Variants in GRIP2 observed in about 807,000 individuals in gnomAD.
The protein encoded by GRIP2 is glutamate receptor interacting protein 2, also known as glutamate receptor-interacting protein 2.
In GRIP2, 58 loss-of-function variants were observed where a neutral mutation model predicts 108.3. The observed-to-expected ratio is 0.54, with a 90% CI of 0.43 to 0.67. The LOEUF (loss-of-function observed/expected upper bound fraction) is 0.67. Ranked by LOEUF, GRIP2 falls within the 30% of genes least tolerant of loss-of-function variation. GRIP2 has a pLI of 0.00. For synonymous variants in GRIP2, 586 were observed against 598.2 expected, an observed-to-expected ratio of 0.98 and a Z score of 0.30; for missense variants, 1,278 against 1,430.6, an observed-to-expected ratio of 0.89 and a Z score of 1.72.
the GRIP2 span, among the ~76,000 whole-genome samples, chr3:14,572,395 G>A: frequency 3.3e-5 from 5 of 151,678 alleles, no homozygotes; most frequent in East Asian, 3.9e-4. Flanking sequence ...GGCGGATCAC[G>A]AGGTCAGGAG....
the GRIP2 span, among the ~76,000 whole-genome samples, chr3:14,561,122 C>T: frequency 1.1e-3 from 163 of 152,340 alleles, no homozygotes; most frequent in African/African-American, 3.7e-3. Context: ...CCACACCTGC[C>T]AGGCTCCCCT....
rs765245177 is a variant in GRIP2 at position 14,494,945 on chromosome 3, G to A, written c.2868C>T (p.Ser956=). ...CTTTTTCCAGGAGGCCATCTGAGAC[G>A]CTGAAACCAAAGTCATGCCGCATGG... ...KDPMRHDFGF[S]VSDGLLEKGV... is the part of the protein sequence containing the mutation. Residue 956 remains serine, a synonymous_variant, in exon 23 of 24, where the codon AGC becomes AGT. Transcript: ENST00000621039. 15 of 1,613,844 alleles carry A rather than the reference G, an allele frequency of 9.3e-6. No homozygotes were observed. The East Asian group carries it at 1.1e-4, about 12-fold the overall frequency.
At chr3:14,540,430 C>G (rs745408468), upstream of GRIP2, 3 of 1,594,836 alleles carry the variant, frequency 1.9e-6, no homozygotes, top group African/African-American at 1.3e-5. This position sits in a 1 kb window ranked among gnomAD's most constrained non-coding sequence, Gnocchi z 4.1. Flanking sequence ...GGCTGGGCAC[C>G]GAGTCCACCC....
upstream of GRIP2, among the ~76,000 whole-genome samples, chr3:14,560,945 G>C (rs1695306475): frequency 6.6e-6 from 1 of 152,198 alleles, no homozygotes; most frequent in Non-Finnish European, 1.5e-5. Flanking sequence ...ACCTTCAGCA[G>C]AGGACCCCTG....
Position 14,494,887 on chromosome 3 carries a change from GC to G in GRIP2, c.2925del (p.Pro976GlnfsTer42). ...GGCTGGAGGCCTCCACGGTGGGCTG[GC>G]CCATCAGGGCGCACAGTGTGGACAT... The part of the protein sequence containing the change: ...GVYVHTVRPD[G>X]PAHRGGLQPF... On this transcript the variant is annotated frameshift_variant, in exon 23 of 24. Coordinates refer to ENST00000621039, the MANE Select transcript of GRIP2 (RefSeq NM_001080423.4). LOFTEE classifies it high-confidence loss of function. 1 of 1,613,860 alleles carries G rather than the reference GC, an allele frequency of 6.2e-7. No homozygotes were observed.
In GRIP2 at chr3:14,522,131, A is replaced by G; in HGVS notation, c.567-344T>C. The G allele has an allele frequency of 3.8e-6, 1 of 260,824 alleles. No homozygotes were observed. Among genetic ancestry groups the G allele is most frequent in the Non-Finnish European group, 7.2e-6 (1 of 138,906 alleles). 16.2% of individuals were successfully genotyped at this position (260,824 alleles called of 1,614,324 possible). ...GTCACCCCCAACTCCTGCCTCAGGG[A>G]CAAAGGACAGCACCAGGGCCCAGAG... On this transcript the variant is annotated intron_variant, in intron 6 of 23. Transcript: ENST00000621039. The surrounding 1 kb of genome is among the most constrained non-coding windows in gnomAD (Gnocchi z 4.3).
In GRIP2 at chr3:14,522,831, A is replaced by C; in HGVS notation, c.566+169T>G. On this transcript the variant is annotated intron_variant, in intron 6 of 23. Coordinates refer to ENST00000621039, the MANE Select transcript of GRIP2 (RefSeq NM_001080423.4). The surrounding 1 kb of genome is among the most constrained non-coding windows in gnomAD (Gnocchi z 4.3). ...CTCGAGGTTTCCCTCATTTGGGGTTACATCCCGGTTCCATCAACAACTCCC... is the reference window on the plus strand; with the variant it reads ...CTCGAGGTTTCCCTCATTTGGGGTTCCATCCCGGTTCCATCAACAACTCCC... 1 of 612,820 alleles carries C rather than the reference A, an allele frequency of 1.6e-6. No homozygotes were observed. Among genetic ancestry groups the C allele is most frequent in the South Asian group, 1.9e-5 (1 of 52,074 alleles). 38.0% of individuals were successfully genotyped at this position (612,820 alleles called of 1,614,324 possible).
chr3:14,492,263 T>C lies in GRIP2; in HGVS notation c.*1402A>G, dbSNP rs1278770952. The C allele has an allele frequency of 6.6e-6, 1 of 152,242 alleles. No homozygotes were observed. The highest frequency in any genetic ancestry group is 1.5e-5 in the Non-Finnish European group (1 of 68,076). The allele number at this position is 152,242 out of a possible 1,614,324, so 9.4% of individuals were successfully genotyped here. ...GTTCCCTCAAATGGAAGAGCACTTT[T>C]CTGGCCTCCAGGGACCCCAGGTTGG... is the stretch of plus-strand genomic sequence containing the variant. On this transcript the variant is annotated 3_prime_UTR_variant, in exon 24 of 24. Coordinates refer to ENST00000621039, the MANE Select transcript of GRIP2 (RefSeq NM_001080423.4).
At chr3:14,495,039 A>C (rs906251643) in intron 22 of GRIP2, 50 bp from the exon 23 acceptor site, 1 of 1,599,834 alleles carries the variant, frequency 6.3e-7, no homozygotes, top group South Asian at 1.1e-5. Context: ...CTTTGCCCCC[A>C]GCCTCTCACA....
At chr3:14,527,450 G>A (rs933325796) in intron 1 of GRIP2, among the ~76,000 whole-genome samples, 2 of 151,540 alleles carry the variant, frequency 1.3e-5, no homozygotes, top group African/African-American at 4.9e-5. Flanking sequence ...GAAGAGGGAG[G>A]GAAGGAGGAA....
At chr3:14,530,360 C>T (rs1559348119) in intron 1 of GRIP2, among the ~76,000 whole-genome samples, 2 of 152,154 alleles carry the variant, frequency 1.3e-5, no homozygotes, top group Non-Finnish European at 2.9e-5. Context: ...AGTAGAGAAG[C>T]CCCAGCATCA....
intron 11 of GRIP2, among the ~76,000 whole-genome samples, chr3:14,516,668 A>G (rs945952669): frequency 3.3e-5 from 5 of 152,348 alleles, no homozygotes; most frequent in African/African-American, 1.2e-4. Context: ...AACAAATGGC[A>G]GAGAGGTGGT....
chr3:14,541,896 G>A (rs1413121695), upstream of GRIP2: 1 of 1,339,666 alleles, frequency 7.5e-7, no homozygotes, highest in Admixed American at 2.0e-5. Context: ...CGGTACCCTG[G>A]CAGTGGTCAG....
intron 1 of GRIP2, among the ~76,000 whole-genome samples, chr3:14,554,469 C>T (rs183956429): frequency 9.9e-4 from 151 of 152,178 alleles, no homozygotes; most frequent in Non-Finnish European, 1.7e-3. Context: ...GTGTCTCCTG[C>T]GGGGGTGGTC....
upstream of GRIP2, among the ~76,000 whole-genome samples, chr3:14,544,379 G>A (rs1200998842): frequency 6.6e-6 from 1 of 152,162 alleles, no homozygotes; most frequent in African/African-American, 2.4e-5. Flanking sequence ...AGAGGCTAGT[G>A]GCCACTGTAG....
the GRIP2 span, among the ~76,000 whole-genome samples, chr3:14,602,919 GCGTCTTACCTTCGT>G: frequency 6.7e-6 from 1 of 149,608 alleles, no homozygotes; most frequent in Non-Finnish European, 1.5e-5. The surrounding 1 kb of genome is among the most constrained non-coding windows in gnomAD (Gnocchi z 4.7). Flanking sequence ...GGCAGCGGCC[GCGTCTTACCTTCGT>G]CCGGCAGCCG....
At chr3:14,535,066 C>T (rs753035294) in intron 1 of GRIP2, among the ~76,000 whole-genome samples, 7 of 151,946 alleles carry the variant, frequency 4.6e-5, no homozygotes, top group South Asian at 2.1e-4. Flanking sequence ...CCACTTGGGG[C>T]GAACAGGACA....
chr3:14,535,804 T>A (rs907875070), intron 1 of GRIP2, among the ~76,000 whole-genome samples: 2 of 152,136 alleles, frequency 1.3e-5, no homozygotes, highest in African/African-American at 4.8e-5. Flanking sequence ...TCCTGCCTAC[T>A]CCCCCATCCA....
chr3:14,521,869 C>T lies in GRIP2; in HGVS notation c.567-82G>A. The T allele has an allele frequency of 7.9e-7, 1 of 1,272,844 alleles. No individual in the cohort carries two copies. The highest frequency in any genetic ancestry group is 2.7e-4 in the Middle Eastern group (1 of 3,638). The allele number at this position is 1,272,844 out of a possible 1,614,324, so 78.8% of individuals were successfully genotyped here. A position where few individuals can be genotyped will look rare whatever the true frequency, so the allele number is the denominator to read the frequency against. Reference sequence around the variant, plus strand: ...TCTGGGAGGGCGCTGGGAAGCGGGACATGGAGGATGAAGAAGCAGGGAATG... The same window carrying T: ...TCTGGGAGGGCGCTGGGAAGCGGGATATGGAGGATGAAGAAGCAGGGAATG... On this transcript the variant is annotated intron_variant, in intron 6 of 23. Coordinates refer to ENST00000621039, the MANE Select transcript of GRIP2 (RefSeq NM_001080423.4). The surrounding 1 kb of genome is among the most constrained non-coding windows in gnomAD (Gnocchi z 5.1).
Sources: allele counts gnomAD v4.1 joint callset (sites outside exome capture counted in the v4.1 genomes callset), GRCh38; gene constraint gnomAD v4.1.1; non-coding constraint Gnocchi (gnomAD v3.1); transcripts MANE v1.5; gene names NCBI Gene and HGNC (gene_info 2026-07-23, HGNC 2026-07-21).